The following NOTCH1 variants were observed in gnomAD, a reference collection of about 807,000 sequenced individuals.
The protein encoded by NOTCH1 is neurogenic locus notch homolog protein 1.
In NOTCH1, 37 loss-of-function variants were observed where a neutral mutation model predicts 254.8. The ratio of observed to expected loss-of-function variants is 0.15; its 90% CI spans 0.11 to 0.19. NOTCH1 has a LOEUF of 0.19. Among genes scored for constraint, NOTCH1 ranks in the 10% least tolerant of loss-of-function variants. NOTCH1 has a pLI of 1.00. For missense variants in NOTCH1, 2,972 were observed against 3,708.6 expected, an observed-to-expected ratio of 0.80 and a Z score of 5.16; for synonymous variants, 1,731 against 1,618.1, an observed-to-expected ratio of 1.07 and a Z score of -1.68.
At chr9:136,515,452 C>T (rs748052743) in intron 11 of NOTCH1, 31 bp downstream of exon 11, 4 of 1,611,266 alleles carry the variant, frequency 2.5e-6, no homozygotes, top group South Asian at 1.1e-5. Context: ...TGCCCACTGG[C>T]CCCCCGCCGG....
At chr9:136,502,796 G>A (rs867828415) in intron 27 of NOTCH1, 2 of 566,738 alleles carry the variant, frequency 3.5e-6, no homozygotes, top group African/African-American at 1.9e-5. Context: ...AAAGGATTTA[G>A]AGGGATTTTC....
intron 4 of NOTCH1, among the ~76,000 whole-genome samples, chr9:136,520,533 A>G (rs1363894275): frequency 6.6e-6 from 1 of 152,130 alleles, no homozygotes; most frequent in African/African-American, 2.4e-5. Context: ...CAGGAGTTCA[A>G]GACCAGCCTG....
intron 15 of NOTCH1, among the ~76,000 whole-genome samples, chr9:136,511,474 G>A (rs1235779589): frequency 6.6e-6 from 1 of 152,190 alleles, no homozygotes; most frequent in African/African-American, 2.4e-5. Context: ...GGGGGACGCT[G>A]AAGACAAGCT....
In NOTCH1 at chr9:136,545,320, G is replaced by A. The variant is rs982323736; in HGVS notation, c.61+406C>T. ...GCGTGGGCCAGAGGCGAAGAAGAAAGAAGATAAATGGCCCGGAGAAGCAAC... is the reference window on the plus strand; with the variant it reads ...GCGTGGGCCAGAGGCGAAGAAGAAAAAAGATAAATGGCCCGGAGAAGCAAC... On this transcript the variant is annotated intron_variant, in intron 1 of 33. Coordinates refer to ENST00000651671, the MANE Select transcript of NOTCH1 (RefSeq NM_017617.5). The surrounding 1 kb of genome is among the most constrained non-coding windows in gnomAD (Gnocchi z 6.8). Among the ~76,000 whole-genome samples the A allele has an allele frequency of 4.7e-5, 7 of 148,868 alleles. No individual in the cohort carries two copies. Among genetic ancestry groups the A allele is most frequent in the Non-Finnish European group, 8.9e-5 (6 of 67,290 alleles).
chr9:136,522,791 C>T (rs1020441142), intron 4 of NOTCH1, 59 bp downstream of exon 4: 3 of 1,416,588 alleles, frequency 2.1e-6, no homozygotes, highest in African/African-American at 1.4e-5. Context: ...CCCGTTCCCA[C>T]CCCCTGGGCC....
intron 2 of NOTCH1, among the ~76,000 whole-genome samples, chr9:136,533,274 C>A (rs1843589749): frequency 7.2e-6 from 1 of 139,226 alleles, no homozygotes; most frequent in Non-Finnish European, 1.5e-5. Context: ...GGGACTCTGG[C>A]CCAGCCCCCT....
chr9:136,521,391 C>T (rs990967305), intron 4 of NOTCH1, among the ~76,000 whole-genome samples: 7 of 152,070 alleles, frequency 4.6e-5, no homozygotes, highest in African/African-American at 1.4e-4. Flanking sequence ...TGCCCCTGCA[C>T]GGGCAGTGGC....
intron 2 of NOTCH1, among the ~76,000 whole-genome samples, chr9:136,529,156 C>G (rs968117669): frequency 2.6e-5 from 4 of 152,252 alleles, no homozygotes; most frequent in African/African-American, 9.6e-5. Flanking sequence ...ACCAGGTGAC[C>G]TGGGCCACAC....
intron 2 of NOTCH1, among the ~76,000 whole-genome samples, chr9:136,537,160 C>A (rs1036190436): frequency 2.6e-5 from 4 of 152,230 alleles, no homozygotes; most frequent in Non-Finnish European, 5.9e-5. Flanking sequence ...AGCGCCATCT[C>A]TTCCAGGAAG....
chr9:136,509,918 C>T lies in NOTCH1; in HGVS notation c.2784G>A (p.Thr928=), dbSNP rs200082362. ...AGCCGGGCAGGCAGTCGCAGAAGGC[C>T]GTGTTGATGCCGTCTGTGCAGGAGC... ...NGGSCTDGIN[T]AFCDCLPGFR... The change falls in exon 18 of 34, where the codon ACG becomes ACA. Residue 928 remains threonine (T), a synonymous_variant. Coordinates refer to ENST00000651671, the MANE Select transcript of NOTCH1 (RefSeq NM_017617.5). The T allele has an allele frequency of 8.1e-5, 130 of 1,613,122 alleles. No homozygotes were observed. The highest frequency in any genetic ancestry group is 3.2e-4 in the South Asian group (29 of 91,086).
At chr9:136,536,567 C>G (rs375684148) in intron 2 of NOTCH1, among the ~76,000 whole-genome samples, 2 of 152,234 alleles carry the variant, frequency 1.3e-5, no homozygotes, top group Non-Finnish European at 2.9e-5. Flanking sequence ...CACTGCCCCC[C>G]GCTGCCCCAG....
chr9:136,510,552 T>C (rs1843162924), intron 17 of NOTCH1, 101 bp downstream of exon 17: 5 of 1,463,784 alleles, frequency 3.4e-6, no homozygotes, highest in Non-Finnish European at 4.6e-6. Context: ...CACTCCGGCC[T>C]CCCTGGGTGC....
At chr9:136,520,080 C>T (rs909124824) in intron 4 of NOTCH1, among the ~76,000 whole-genome samples, 10 of 152,110 alleles carry the variant, frequency 6.6e-5, no homozygotes, top group Non-Finnish European at 1.3e-4. Flanking sequence ...GTGCCCACCT[C>T]CTCCTCCCCC....
chr9:136,538,732 C>T (rs985134217), intron 2 of NOTCH1, among the ~76,000 whole-genome samples: 3 of 152,246 alleles, frequency 2.0e-5, no homozygotes, highest in Non-Finnish European at 4.4e-5. Context: ...CCCACCTGTG[C>T]GCTGGGGATG....
At chr9:136,520,120 C>G (rs750408324) in intron 4 of NOTCH1, among the ~76,000 whole-genome samples, 17 of 152,190 alleles carry the variant, frequency 1.1e-4, no homozygotes, top group Non-Finnish European at 2.2e-4. Context: ...AGGGCCCCCT[C>G]CCCCGAGGTA....
chr9:136,500,459 C>T, intron 31 of NOTCH1, 93 bp downstream of exon 31: 1 of 1,503,660 alleles, frequency 6.7e-7, no homozygotes, highest in Middle Eastern at 2.2e-4. Flanking sequence ...TGCTCGGGGT[C>T]AGGCTCCCAG....
intron 15 of NOTCH1, among the ~76,000 whole-genome samples, chr9:136,512,130 G>A (rs879730262): frequency 7.9e-5 from 12 of 152,232 alleles, no homozygotes; most frequent in Admixed American, 2.0e-4. Flanking sequence ...GGTCAGCACC[G>A]CCGCTCCTCC....
rs369706432 is a variant in NOTCH1, at chr9:136,515,381, G to A, written c.1923C>T (p.Asn641=). 2.5e-6 allele frequency: 4 copies of A among 1,612,878 alleles called. No homozygotes were observed. Among genetic ancestry groups the A allele is most frequent in the Non-Finnish European group, 3.4e-6 (4 of 1,179,994 alleles). Residue 641 remains asparagine, a synonymous_variant, in exon 12 of 34, where the codon AAC becomes AAT. Coordinates refer to ENST00000651671, the MANE Select transcript of NOTCH1 (RefSeq NM_017617.5). ...AGGGGCTGCTGGCACAGTCATCCAGGTTGATCTCGCAGTTGGGTCCTGAAG... is the reference window on the plus strand; with the variant it reads ...AGGGGCTGCTGGCACAGTCATCCAGATTGATCTCGCAGTTGGGTCCTGAAG... ...KGTTGPNCEI[N]LDDCASSPCD...
chr9:136,504,300 G>A (rs1843043149), intron 26 of NOTCH1, among the ~76,000 whole-genome samples: 1 of 152,256 alleles, frequency 6.6e-6, no homozygotes, highest in South Asian at 2.1e-4. Context: ...GCCTCCCAAA[G>A]TGCTGGGATT....
Sources: gnomAD v4.1 joint callset for allele counts (sites outside exome capture counted in the v4.1 genomes callset) on GRCh38, gnomAD v4.1.1 for gene constraint, Gnocchi (gnomAD v3.1) non-coding constraint, MANE v1.5 for transcripts, NCBI Gene and HGNC (gene_info 2026-07-23, HGNC 2026-07-21) for gene names.